JADE2: variants seen among roughly 807,000 people sequenced by gnomAD.
JADE2 encodes the protein jade family PHD finger 2.
A neutral mutation model predicts 85.7 loss-of-function variants in JADE2; 13 were observed. That is an observed-to-expected ratio of 0.15 (90% CI 0.10 to 0.24). JADE2 has a LOEUF of 0.24. Among genes scored for constraint, JADE2 ranks in the 10% least tolerant of loss-of-function variants. JADE2 has a pLI of 1.00. For synonymous variants in JADE2, 440 were observed against 456.1 expected (o/e 0.96, Z 0.45); for missense variants, 846 against 1,115.9 (o/e 0.76, Z 3.45).
At chr5:134,532,910 A>C (rs898265689) in intron 1 of JADE2, among the ~76,000 whole-genome samples, 6 of 152,224 alleles carry the variant, frequency 3.9e-5, no homozygotes, top group Non-Finnish European at 8.8e-5. Flanking sequence ...CTCACAAAAC[A>C]GTGGCTTCCT....
rs753426576 is a variant in JADE2, at chr5:134,566,971, G to A, written c.1434+391G>A. Among the ~76,000 whole-genome samples, 1 of 152,198 alleles carries A rather than the reference G, an allele frequency of 6.6e-6. No individual in the cohort carries two copies. The highest frequency in any genetic ancestry group is 2.4e-5 in the African/African-American group (1 of 41,444). ...TGGTCCTAACACATGAGCTTGCATT[G>A]AGAATCTGAGGCAGAGGAGGAACTG... On this transcript the variant is annotated intron_variant, in intron 9 of 11. Transcript: ENST00000681547. The surrounding 1 kb of genome is among the most constrained non-coding windows in gnomAD (Gnocchi z 6.7).
intron 9 of JADE2, among the ~76,000 whole-genome samples, 171 bp from the exon 10 acceptor site, chr5:134,573,474 T>C (rs1764166433): frequency 6.6e-6 from 1 of 152,186 alleles, no homozygotes; most frequent in South Asian, 2.1e-4. Context: ...AGCACAGGGC[T>C]GAGGATGCGC....
At chr5:134,534,041 C>T (rs55709763) in intron 1 of JADE2, among the ~76,000 whole-genome samples, 5,634 of 152,278 alleles carry the variant, frequency 0.037, 145 homozygotes, top group Non-Finnish European at 0.062. Flanking sequence ...ACCCTTGACA[C>T]GCAGACTCTG....
chr5:134,524,968 A>G (rs1417004101), upstream of JADE2, among the ~76,000 whole-genome samples: 1 of 152,092 alleles, frequency 6.6e-6, no homozygotes, highest in African/African-American at 2.4e-5. Flanking sequence ...GCGATTCAGA[A>G]GCAGGGCCTA....
rs1764628904 is a variant in JADE2, at chr5:134,580,118, T to C, written c.*801T>C. 1 of 152,652 alleles carries C rather than the reference T, an allele frequency of 6.6e-6. No homozygotes were observed. 9.5% of individuals were successfully genotyped at this position (152,652 alleles called of 1,614,324 possible). ...GAGGGCCAGTGCCCAGACAGGGTCATGGGGCTCAGACCAGCCCACTGTAGA... is the reference window on the plus strand; with the variant it reads ...GAGGGCCAGTGCCCAGACAGGGTCACGGGGCTCAGACCAGCCCACTGTAGA... On this transcript the variant is annotated 3_prime_UTR_variant, in exon 12 of 12. Coordinates refer to ENST00000681547, the MANE Select transcript of JADE2 (RefSeq NM_001388185.1).
chr5:134,573,402 C>G (rs1469567099), intron 9 of JADE2, among the ~76,000 whole-genome samples: 2 of 152,206 alleles, frequency 1.3e-5, no homozygotes, highest in Non-Finnish European at 2.9e-5. Context: ...GCTGCTCTGG[C>G]TCAGCCGGGG....
chr5:134,550,699 G>A (rs1203054954), intron 3 of JADE2, among the ~76,000 whole-genome samples: 1 of 152,222 alleles, frequency 6.6e-6, no homozygotes, highest in Non-Finnish European at 1.5e-5. Context: ...GGATCACGCA[G>A]TGGGATCAGG....
At chr5:134,539,311 C>A (rs1761822358) in intron 3 of JADE2, among the ~76,000 whole-genome samples, 1 of 152,290 alleles carries the variant, frequency 6.6e-6, no homozygotes, top group South Asian at 2.1e-4. Context: ...GATCCGCCCG[C>A]CTTGGCCTCC....
chr5:134,550,005 C>T (rs1581427995), intron 3 of JADE2, among the ~76,000 whole-genome samples: 1 of 152,240 alleles, frequency 6.6e-6, no homozygotes, highest in South Asian at 2.1e-4. Flanking sequence ...CTGGCACAGG[C>T]CCCTACTGAA....
At chr5:134,543,683 AAAAAAAAGC>A (rs941621252) in intron 3 of JADE2, among the ~76,000 whole-genome samples, 15 of 152,052 alleles carry the variant, frequency 9.9e-5, no homozygotes, top group South Asian at 4.2e-4. Context: ...TCTCAAAAAC[AAAAAAAAGC>A]AAAAAAAGCA....
At position 134,579,309 on chromosome 5, in the gene JADE2, G is replaced by T; in HGVS notation, c.2497G>T (p.Ala833Ser). Residue 833 changes from alanine (A) to serine (S), a missense_variant, in exon 12 of 12, where the codon GCC (alanine) becomes TCC (serine). By Grantham distance (99) the Ala-to-Ser change is moderately conservative. This residue lies in a region of JADE2 where 300 missense variants were observed against 300.7 expected (regional missense o/e 1.00). Transcript: ENST00000681547. This position sits in a 1 kb window ranked among gnomAD's most constrained non-coding sequence, Gnocchi z 4.6. ...AEEVVRMGVL[A>S]S ...GGAGGTGGTCCGCATGGGCGTACTG[G>T]CCTCCTAACTCACCCCCTTCCCTGT... 1 of 1,597,868 alleles carries T rather than the reference G, an allele frequency of 6.3e-7. No individual in the cohort carries two copies. The highest frequency in any genetic ancestry group is 8.5e-7 in the Non-Finnish European group (1 of 1,172,208).
intron 1 of JADE2, 121 bp downstream of exon 1, chr5:134,526,132 C>T (rs1238126593): frequency 2.8e-5 from 28 of 985,406 alleles, no homozygotes; most frequent in Non-Finnish European, 3.3e-5. Context: ...CGCTCCCTCT[C>T]TCTCCTGCTG....
intron 1 of JADE2, among the ~76,000 whole-genome samples, chr5:134,531,195 C>T (rs1761211639): frequency 6.6e-6 from 1 of 152,170 alleles, no homozygotes; most frequent in Non-Finnish European, 1.5e-5. Context: ...GAGTGGAGTA[C>T]AGCGTGTGCA....
Position 134,566,720 on chromosome 5 carries a change from C to T in JADE2, c.1434+140C>T. 1.5e-6 allele frequency: 1 copy of T among 681,508 alleles called. No individual in the cohort carries two copies. The highest frequency in any genetic ancestry group is 2.4e-6 in the Non-Finnish European group (1 of 410,822). The allele number at this position is 681,508 out of a possible 1,614,324, so 42.2% of individuals were successfully genotyped here. On this transcript the variant is annotated intron_variant, in intron 9 of 11. Transcript: ENST00000681547. The surrounding 1 kb of genome is among the most constrained non-coding windows in gnomAD (Gnocchi z 6.7). ...TGGTGGACCGGCCCTGCTGCAGGAG[C>T]CTGCCAAGGGGCTGAGGGCTTTCAG...
intron 3 of JADE2, among the ~76,000 whole-genome samples, chr5:134,545,005 A>G (rs1762204954): frequency 6.6e-6 from 1 of 152,246 alleles, no homozygotes; most frequent in South Asian, 2.1e-4. Flanking sequence ...TTGAAATGCC[A>G]TTTTATAGTA....
At chr5:134,528,783 C>T (rs181694606) in intron 1 of JADE2, among the ~76,000 whole-genome samples, 2 of 152,288 alleles carry the variant, frequency 1.3e-5, no homozygotes, top group African/African-American at 2.4e-5. Context: ...GGCCAAGGGT[C>T]CCCCCATCAC....
At position 134,566,048 on chromosome 5, in the gene JADE2, GC is replaced by G; in HGVS notation, c.970-64del. On this transcript the variant is annotated intron_variant, in intron 8 of 11. Transcript: ENST00000681547. This position sits in a 1 kb window ranked among gnomAD's most constrained non-coding sequence, Gnocchi z 6.7. ...CATTCTCAGTAGAGCCCTGGGGGAA[GC>G]CCCTCTGTCTTCTCCCCTCCCACCA... 2.2e-6 allele frequency: 3 copies of G among 1,355,820 alleles called. No individual in the cohort carries two copies. In the East Asian group the frequency reaches 6.9e-5, roughly 31 times the overall value. 84.0% of individuals were successfully genotyped at this position (1,355,820 alleles called of 1,614,324 possible).
intron 2 of JADE2, 23 bp from the exon 3 acceptor site, chr5:134,537,966 A>G (rs1397436439): frequency 6.3e-7 from 1 of 1,597,228 alleles, no homozygotes. Context: ...CAGGACCCCT[A>G]ATGGACTGTT....
At chr5:134,543,091 G>C (rs889572098) in intron 3 of JADE2, among the ~76,000 whole-genome samples, 1 of 150,408 alleles carries the variant, frequency 6.6e-6, no homozygotes, top group African/African-American at 2.5e-5. Context: ...TTGGAGTGGA[G>C]TGGTGTGATC....
Sources: allele counts gnomAD v4.1 joint callset (sites outside exome capture counted in the v4.1 genomes callset), GRCh38; gene constraint gnomAD v4.1.1; regional missense constraint gnomAD v4.1.1; non-coding constraint Gnocchi (gnomAD v3.1); transcripts MANE v1.5; gene names NCBI Gene and HGNC (gene_info 2026-07-23, HGNC 2026-07-21).